Variants in MTOR observed in about 807,000 individuals in gnomAD.
MTOR encodes serine/threonine-protein kinase mTOR.
A neutral mutation model predicts 319.8 loss-of-function variants in MTOR; 70 were observed. The observed-to-expected ratio is 0.22, with a 90% CI of 0.18 to 0.27. MTOR has a LOEUF of 0.27. Ranked by LOEUF, MTOR falls within the 10% of genes least tolerant of loss-of-function variation. The probability of loss-of-function intolerance (pLI) is 1.00; values close to 1 mark genes in which losing one functional copy is unlikely to be tolerated. For synonymous variants in MTOR, 1,183 were observed against 1,211.4 expected (o/e 0.98, Z 0.49); for missense variants, 1,890 against 3,274.4 (o/e 0.58, Z 10.32).
Position 11,248,100 on chromosome 1 carries a change from T to C in MTOR, c.841-6A>G, listed in dbSNP as rs539605016. ...TCCATTTCTTCTCTCAGACGCTATATATATGAGGAGGAAAAAAATCATCTT... is the reference window on the plus strand; with the variant it reads ...TCCATTTCTTCTCTCAGACGCTATACATATGAGGAGGAAAAAAATCATCTT... On this transcript the variant is annotated splice_region_variant and splice_polypyrimidine_tract_variant and intron_variant, in intron 6 of 57. Transcript: ENST00000361445. 20 of 1,573,922 alleles carry C rather than the reference T, an allele frequency of 1.3e-5. No homozygotes were observed. Among genetic ancestry groups the C allele is most frequent in the African/African-American group, 1.2e-4 (9 of 73,462 alleles).
At chr1:11,246,315 A>T (rs1648814306) in intron 8 of MTOR, among the ~76,000 whole-genome samples, 1 of 152,192 alleles carries the variant, frequency 6.6e-6, no homozygotes, top group African/African-American at 2.4e-5. Context: ...CCAGACTTTG[A>T]TCAAATTTGG....
At chr1:11,114,936 C>T (rs1454442670) in intron 51 of MTOR, 49 bp from the exon 52 acceptor site, 6 of 1,566,976 alleles carry the variant, frequency 3.8e-6, no homozygotes, top group African/African-American at 1.4e-5. Context: ...ATTTTCTTTA[C>T]CTGGAGCCAG....
chr1:11,258,462 G>T lies in MTOR; in HGVS notation c.271+23C>A, dbSNP rs868444834. ...GCACAAAGGTGAGTGTGTTGTTTTT[G>T]TGACCAGAGACTCTGTCCTTACCTA... On this transcript the variant is annotated intron_variant, in intron 3 of 57. Coordinates refer to ENST00000361445, the MANE Select transcript of MTOR (RefSeq NM_004958.4). The T allele has an allele frequency of 1.9e-6, 3 of 1,546,270 alleles. No individual in the cohort carries two copies. In the Middle Eastern group the frequency reaches 5.1e-4, roughly 261 times the overall value.
chr1:11,204,801 A>AGATTTTAT, intron 25 of MTOR, 98 bp from the exon 26 acceptor site: 1 of 1,348,908 alleles, frequency 7.4e-7, no homozygotes, highest in Non-Finnish European at 1.0e-6. Context: ...TTAGATTTAT[A>AGATTTTAT]AAATCCATCT....
intron 34 of MTOR, among the ~76,000 whole-genome samples, chr1:11,141,944 T>C (rs1643729678): frequency 6.6e-6 from 1 of 151,384 alleles, no homozygotes; most frequent in African/African-American, 2.4e-5. Flanking sequence ...GAGCTTGCAG[T>C]AAGCCGAGAT....
intron 26 of MTOR, among the ~76,000 whole-genome samples, chr1:11,201,828 A>G (rs984552317): frequency 6.6e-6 from 1 of 152,170 alleles, no homozygotes; most frequent in African/African-American, 2.4e-5. Context: ...TTTTTTTGAG[A>G]TGCAGTCTTG....
intron 32 of MTOR, among the ~76,000 whole-genome samples, chr1:11,146,447 C>T (rs1053792634): frequency 6.6e-5 from 10 of 152,134 alleles, no homozygotes; most frequent in African/African-American, 2.4e-4. Context: ...CAAAAGCAAC[C>T]GAGACAGTAG....
At chr1:11,201,835 C>A (rs1289107386) in intron 26 of MTOR, among the ~76,000 whole-genome samples, 1 of 152,138 alleles carries the variant, frequency 6.6e-6, no homozygotes, top group African/African-American at 2.4e-5. Flanking sequence ...GAGATGCAGT[C>A]TTGCTCTGCC....
chr1:11,258,844 T>C (rs1160914956), intron 2 of MTOR, among the ~76,000 whole-genome samples: 1 of 152,168 alleles, frequency 6.6e-6, no homozygotes, highest in African/African-American at 2.4e-5. Flanking sequence ...TTCTTTCTAG[T>C]ACCAGGGATA....
rs191070948 is a variant in MTOR, at chr1:11,111,167, C to T, written c.7367-1438G>A. 13 of 455,864 alleles carry T rather than the reference C, an allele frequency of 2.9e-5. No individual in the cohort carries two copies. The East Asian group carries it at 5.6e-4, about 20-fold the overall frequency. 28.2% of individuals were successfully genotyped at this position (455,864 alleles called of 1,614,324 possible). Reference sequence around the variant, plus strand: ...CTTTTCCTTTCTACCCATCAGATTCCACCCATCCAATAAGGATAAATTACC... The same window carrying T: ...CTTTTCCTTTCTACCCATCAGATTCTACCCATCCAATAAGGATAAATTACC... On this transcript the variant is annotated intron_variant, in intron 54 of 57. Coordinates refer to ENST00000361445, the MANE Select transcript of MTOR (RefSeq NM_004958.4).
chr1:11,200,790 C>T (rs970425374), intron 26 of MTOR, among the ~76,000 whole-genome samples: 6 of 151,770 alleles, frequency 4.0e-5, no homozygotes, highest in South Asian at 2.1e-4. Flanking sequence ...CTGAGGCGGG[C>T]GGATCACAAG....
In MTOR at chr1:11,127,901, AGAGGAAGTGCACAGCACCAATGC is replaced by A. The variant is rs2100410881; in HGVS notation, c.6033+80_6034-96del. The A allele has an allele frequency of 6.3e-7, 1 of 1,581,058 alleles. No homozygotes were observed. Among genetic ancestry groups the A allele is most frequent in the Non-Finnish European group, 8.6e-7 (1 of 1,164,406 alleles). On this transcript the variant is annotated intron_variant, in intron 43 of 57. Transcript: ENST00000361445. This position sits in a 1 kb window ranked among gnomAD's most constrained non-coding sequence, Gnocchi z 5.5. Reference sequence around the variant, plus strand: ...ACAGGAGGTACTATTTCCAGCAGTCAGAGGAAGTGCACAGCACCAATGCGAGGAAGAAAAACAATCCCACTTGC... The same window carrying A: ...ACAGGAGGTACTATTTCCAGCAGTCAGAGGAAGAAAAACAATCCCACTTGC...
At chr1:11,114,593 A>C in intron 52 of MTOR, 140 bp from the exon 53 acceptor site, 2 of 1,281,008 alleles carry the variant, frequency 1.6e-6, no homozygotes, top group Non-Finnish European at 2.2e-6. Context: ...TAGGAGAAGG[A>C]ATCAGGGCAG....
chr1:11,209,049 A>G (rs571567769), intron 25 of MTOR, among the ~76,000 whole-genome samples: 2 of 152,334 alleles, frequency 1.3e-5, no homozygotes, highest in East Asian at 3.9e-4. Flanking sequence ...AAAAATGAGA[A>G]TGTATTTGCA....
rs574052704 is a variant in MTOR, at chr1:11,255,593, G to A, written c.705+399C>T. Among the ~76,000 whole-genome samples the A allele has an allele frequency of 3.3e-5, 5 of 152,226 alleles. No homozygotes were observed. In the East Asian group the frequency reaches 9.7e-4, roughly 30 times the overall value. ...AGGCCAGGCGCGGTAGCTCATGTCT[G>A]TAATCCCAGCACTTTGAGAGGCCAA... is the stretch of plus-strand genomic sequence containing the variant. On this transcript the variant is annotated intron_variant, in intron 5 of 57. Transcript: ENST00000361445.
chr1:11,221,093 C>T (rs1353431932), intron 19 of MTOR, among the ~76,000 whole-genome samples: 2 of 151,782 alleles, frequency 1.3e-5, no homozygotes, highest in African/African-American at 2.4e-5. Context: ...CTCCCGGGTT[C>T]AAGAAATTCT....
chr1:11,160,063 T>A (rs1644426852), intron 29 of MTOR, among the ~76,000 whole-genome samples: 1 of 128,628 alleles, frequency 7.8e-6, no homozygotes, highest in Non-Finnish European at 1.7e-5. Flanking sequence ...CAATGTCAGA[T>A]ATCAATTATA....
chr1:11,183,381 C>T (rs1215398413), intron 28 of MTOR, among the ~76,000 whole-genome samples: 1 of 152,116 alleles, frequency 6.6e-6, no homozygotes, highest in East Asian at 1.9e-4. Context: ...AATCCTTCCA[C>T]CTCAACCTCC....
intron 46 of MTOR, 64 bp downstream of exon 46, chr1:11,126,558 G>T: frequency 6.5e-7 from 1 of 1,534,306 alleles, no homozygotes; most frequent in Non-Finnish European, 8.9e-7. Context: ...TTTCAGAAGA[G>T]GGAAGGGGTC....
Sources: gnomAD v4.1 joint callset for allele counts (sites outside exome capture counted in the v4.1 genomes callset) on GRCh38, gnomAD v4.1.1 for gene constraint, Gnocchi (gnomAD v3.1) non-coding constraint, MANE v1.5 for transcripts, NCBI Gene and HGNC (gene_info 2026-07-23, HGNC 2026-07-21) for gene names.